HERC1: variants seen among roughly 807,000 people sequenced by gnomAD.
The protein encoded by HERC1 is probable E3 ubiquitin-protein ligase HERC1.
In HERC1, 160 loss-of-function variants were observed where a neutral mutation model predicts 554.3. The ratio of observed to expected loss-of-function variants is 0.29; its 90% CI spans 0.25 to 0.33. The LOEUF (loss-of-function observed/expected upper bound fraction) is 0.33, where lower values mean the gene tolerates loss of function less well. HERC1 is among the 10% of genes least tolerant of loss of function. HERC1 has a pLI of 1.00. For synonymous variants in HERC1, 2,175 were observed against 2,131.7 expected (o/e 1.02, Z -0.56); for missense variants, 4,919 against 5,918.5 (o/e 0.83, Z 5.54).
rs2153051824 is a variant in HERC1, at chr15:63,694,588, T to C, written c.5243-39A>G. ...AGACAGTTAAGAATCTTCCTTTCAG[T>C]AAACAAAGCATTTATTAAAATGAAT... On this transcript the variant is annotated intron_variant, in intron 28 of 77. Coordinates refer to ENST00000443617, the MANE Select transcript of HERC1 (RefSeq NM_003922.4). This position sits in a 1 kb window ranked among gnomAD's most constrained non-coding sequence, Gnocchi z 4.3. 1 of 1,540,382 alleles carries C rather than the reference T, an allele frequency of 6.5e-7. No homozygotes were observed. The highest frequency in any genetic ancestry group is 2.3e-5 in the East Asian group (1 of 44,436).
At chr15:63,801,607 AGC>A (rs1391701758) in intron 1 of HERC1, among the ~76,000 whole-genome samples, 9 of 152,338 alleles carry the variant, frequency 5.9e-5, no homozygotes, top group African/African-American at 2.2e-4. Context: ...GCATAGGTAA[AGC>A]ACATAGAGGG....
chr15:63,618,030 T>G (rs948305804), intron 74 of HERC1, among the ~76,000 whole-genome samples: 2 of 152,158 alleles, frequency 1.3e-5, no homozygotes, highest in African/African-American at 4.8e-5. Flanking sequence ...TTTGTCAATT[T>G]TGGCTTTTGT....
chr15:63,734,821 G>A lies in HERC1; in HGVS notation c.2549C>T (p.Ala850Val), dbSNP rs1400167665. The change falls in exon 13 of 78, where the codon GCA (alanine) becomes GTA (valine). Residue 850 changes from alanine to valine, a missense_variant. This residue lies in a region of HERC1 where 744 missense variants were observed against 1,090.0 expected (regional missense o/e 0.68). Coordinates refer to ENST00000443617, the MANE Select transcript of HERC1 (RefSeq NM_003922.4). The surrounding 1 kb of genome is among the most constrained non-coding windows in gnomAD (Gnocchi z 4.6). Reference sequence around the variant, plus strand: ...TCGTAATGGAGGTAACAGCATGGTTGCTCCCACTGATAAAGTTTCAATTAC... The same window carrying A: ...TCGTAATGGAGGTAACAGCATGGTTACTCCCACTGATAAAGTTTCAATTAC... ...EVVIETLSVG[A>V]TMLLPPLRER... The A allele has an allele frequency of 6.2e-7, 1 of 1,609,880 alleles. No homozygotes were observed. The highest frequency in any genetic ancestry group is 8.5e-7 in the Non-Finnish European group (1 of 1,177,408).
In HERC1 at chr15:63,713,454, T is replaced by C; in HGVS notation, c.4362A>G (p.Leu1454=). Residue 1454 remains leucine (L), a synonymous_variant, in exon 23 of 78, where the codon TTA becomes TTG. Transcript: ENST00000443617. ...GCTCATCTATCACAGGACTTACTCC[T>C]AATATTAACAGGGCACACCGATGGA... ...SVIHRCALLI[L]GVSPVIDELQ... is the part of the protein sequence containing the mutation. 6.2e-7 allele frequency: 1 copy of C among 1,614,048 alleles called. No individual in the cohort carries two copies. Among genetic ancestry groups the C allele is most frequent in the Non-Finnish European group, 8.5e-7 (1 of 1,179,890 alleles).
rs1269153432 is a variant in HERC1 at position 63,612,546 on chromosome 15, A to G, written c.14105T>C (p.Val4702Ala). The G allele has an allele frequency of 4.3e-6, 7 of 1,613,084 alleles. No individual in the cohort carries two copies. The highest frequency in any genetic ancestry group is 5.9e-6 in the Non-Finnish European group (7 of 1,179,202). The change falls in exon 77 of 78, where the codon GTC becomes GCC. Residue 4702 changes from valine to alanine, a missense_variant. Coordinates refer to ENST00000443617, the MANE Select transcript of HERC1 (RefSeq NM_003922.4). The surrounding 1 kb of genome is among the most constrained non-coding windows in gnomAD (Gnocchi z 5.0). ...AACAATCCAGGACATCCCTTCTCGG[A>G]CTGCAGCCACCTGCTCCCGGGAGAG... is the stretch of plus-strand genomic sequence containing the variant. Reference protein sequence around the residue: ...LHEMDRQVAAVREGMSWIVPV... With the variant: ...LHEMDRQVAAAREGMSWIVPV...
At position 63,655,925 on chromosome 15, in the gene HERC1, G is replaced by C; in HGVS notation, c.9901C>G (p.Leu3301Val). The change falls in exon 50 of 78, where the codon CTA becomes GTA. Residue 3301 changes from leucine to valine, a missense_variant. Leu to Val is a conservative substitution (Grantham distance 32). Coordinates refer to ENST00000443617, the MANE Select transcript of HERC1 (RefSeq NM_003922.4). ...NLISAATGVN[L>V]TTVDDSIQRK... ...TGAATTGAGTCATCAACTGTGGTTA[G>C]ATTTACACCTGTTGCAGCAGAAATC... 6.2e-7 allele frequency: 1 copy of C among 1,612,998 alleles called. No individual in the cohort carries two copies. Among genetic ancestry groups the C allele is most frequent in the South Asian group, 1.1e-5 (1 of 90,778 alleles).
rs189370299 is a variant in HERC1, at chr15:63,801,853, T to G, written c.-26-26204A>C. 4.6e-5 allele frequency among the ~76,000 whole-genome samples: 7 copies of G among 152,284 alleles called. No homozygotes were observed. In the East Asian group the frequency reaches 1.4e-3, roughly 29 times the overall value. On this transcript the variant is annotated intron_variant, in intron 1 of 77. Coordinates refer to ENST00000443617, the MANE Select transcript of HERC1 (RefSeq NM_003922.4). ...TTTGGATCCCAGCAACTCCCAAGGCTTTTACCTATCTCATATGCTAATGAA... is the reference window on the plus strand; with the variant it reads ...TTTGGATCCCAGCAACTCCCAAGGCGTTTACCTATCTCATATGCTAATGAA...
At chr15:63,671,373 T>TTA (rs567885188) in intron 39 of HERC1, among the ~76,000 whole-genome samples, 1 of 141,914 alleles carries the variant, frequency 7.0e-6, no homozygotes, top group Non-Finnish European at 1.5e-5. Flanking sequence ...AGCTGTCTCT[T>TTA]AAAAAAAAAA....
chr15:63,712,668 A>T (rs2073361417), intron 24 of HERC1, 107 bp downstream of exon 24: 1 of 996,362 alleles, frequency 1.0e-6, no homozygotes. Context: ...TTTTTGAAAA[A>T]ATTTTTATAT....
At chr15:63,664,690 A>C in intron 42 of HERC1, 96 bp from the exon 43 acceptor site, 31 of 1,009,886 alleles carry the variant, frequency 3.1e-5, no homozygotes, top group Non-Finnish European at 4.3e-5. Context: ...CTTTATTCTC[A>C]TTGAGAATAA....
At chr15:63,642,038 G>A (rs932167559) in intron 59 of HERC1, among the ~76,000 whole-genome samples, 4 of 152,096 alleles carry the variant, frequency 2.6e-5, no homozygotes, top group African/African-American at 9.7e-5. Context: ...TTCTACACAG[G>A]CCACTACTGC....
chr15:63,775,079 G>A lies in HERC1; in HGVS notation c.545C>T (p.Ser182Leu). The change falls in exon 2 of 78, where the codon TCA becomes TTA. Residue 182 changes from serine (S) to leucine (L), a missense_variant. Physicochemically the swap from Ser to Leu is moderately radical, Grantham distance 145. Transcript: ENST00000443617. The surrounding 1 kb of genome is among the most constrained non-coding windows in gnomAD (Gnocchi z 4.0). ...LLRQSWMMPVSGPGLSLCNDV... is the reference protein window; with the variant it reads ...LLRQSWMMPVLGPGLSLCNDV... ...GTTGCAAAGACTGAGACCAGGTCCT[G>A]ACACAGGCATCATCCAACTTTGTCT... is the stretch of plus-strand genomic sequence containing the variant. The A allele has an allele frequency of 6.2e-7, 1 of 1,613,990 alleles. No individual in the cohort carries two copies. Among genetic ancestry groups the A allele is most frequent in the South Asian group, 1.1e-5 (1 of 91,074 alleles).
intron 1 of HERC1, among the ~76,000 whole-genome samples, chr15:63,824,733 T>C (rs1380722466): frequency 6.6e-6 from 1 of 151,502 alleles, no homozygotes; most frequent in Non-Finnish European, 1.5e-5. Context: ...GAAATTGTGA[T>C]ACAAACACAC....
chr15:63,706,856 A>C (rs1037257326), intron 24 of HERC1, 25 bp from the exon 25 acceptor site: 4 of 1,452,540 alleles, frequency 2.8e-6, no homozygotes, highest in Non-Finnish European at 3.8e-6. Context: ...AAGTAAATAA[A>C]TAAAATTTAG....
Position 63,661,874 on chromosome 15 carries a change from A to G in HERC1, c.9049T>C (p.Tyr3017His), listed in dbSNP as rs200988839. 1 of 1,614,030 alleles carries G rather than the reference A, an allele frequency of 6.2e-7. No individual in the cohort carries two copies. Among genetic ancestry groups the G allele is most frequent in the African/African-American group, 1.3e-5 (1 of 75,052 alleles). Residue 3017 changes from tyrosine to histidine, a missense_variant, in exon 45 of 78, where the codon TAT becomes CAT. Physicochemically the swap from Tyr to His is moderately conservative, Grantham distance 83 (BLOSUM62 2). Transcript: ENST00000443617. ...TCACCGCCAAACCAGCCATCCACAT[A>G]GGAACCATTGCTGCGATAGCCCTGG... ...NRQGYRSNGS[Y>H]VDGWFGGECG...
At chr15:63,720,037 G>C (rs1050085966) in intron 19 of HERC1, among the ~76,000 whole-genome samples, 9 of 148,442 alleles carry the variant, frequency 6.1e-5, no homozygotes, top group African/African-American at 2.2e-4. Flanking sequence ...CAGAAATGAA[G>C]ACATGTAGTT....
chr15:63,612,448 C>A lies in HERC1; in HGVS notation c.14203G>T (p.Val4735Leu). 3 of 1,614,072 alleles carry A rather than the reference C, an allele frequency of 1.9e-6. No homozygotes were observed. The South Asian group carries it at 3.3e-5, about 18-fold the overall frequency. Residue 4735 changes from valine to leucine, a missense_variant, in exon 77 of 78, where the codon GTG (valine) becomes TTG (leucine). By Grantham distance (32) the Val-to-Leu change is conservative. This residue lies in a region of HERC1 where 284 missense variants were observed against 294.1 expected (regional missense o/e 0.97). Coordinates refer to ENST00000443617, the MANE Select transcript of HERC1 (RefSeq NM_003922.4). This position sits in a 1 kb window ranked among gnomAD's most constrained non-coding sequence, Gnocchi z 5.0. ...QMVCGMPEIS[V>L]EVLKKVVRYR... ...CGCACCACTTTCTTCAAGACTTCCA[C>A]AGAGATCTCGGGCATCCCACACACC...
chr15:63,675,079 T>C lies in HERC1; in HGVS notation c.7109A>G (p.Tyr2370Cys). Residue 2370 changes from tyrosine to cysteine, a missense_variant, in exon 38 of 78, where the codon TAT becomes TGT. By Grantham distance (194) the Tyr-to-Cys change is radical (BLOSUM62 -2). Coordinates refer to ENST00000443617, the MANE Select transcript of HERC1 (RefSeq NM_003922.4). The part of the protein sequence containing the change: ...TFWSPSDTPL[Y>C]NLEPCEPLPF... Reference sequence around the variant, plus strand: ...CAATGGTTCACAGGGTTCCAGATTATACAATGGAGTATCACTAGGCGACCA... The same window carrying C: ...CAATGGTTCACAGGGTTCCAGATTACACAATGGAGTATCACTAGGCGACCA... 3 of 1,609,480 alleles carry C rather than the reference T, an allele frequency of 1.9e-6. No homozygotes were observed. The highest frequency in any genetic ancestry group is 2.5e-6 in the Non-Finnish European group (3 of 1,176,790).
rs1244773978 is a variant in HERC1 at position 63,692,457 on chromosome 15, C to T, written c.5784G>A (p.Lys1928=). ...CTATATTTAGAAGCACTTCGGTCCA[C>T]TTTGGGGAAGCCATTTTTGATTGAA... ...KAIQSKMASP[K]WTEVLLNIAS... Residue 1928 remains lysine, a synonymous_variant, in exon 31 of 78, where the codon AAG becomes AAA. Coordinates refer to ENST00000443617, the MANE Select transcript of HERC1 (RefSeq NM_003922.4). This position sits in a 1 kb window ranked among gnomAD's most constrained non-coding sequence, Gnocchi z 4.7. The T allele has an allele frequency of 2.5e-6, 4 of 1,613,174 alleles. No individual in the cohort carries two copies. Among genetic ancestry groups the T allele is most frequent in the Non-Finnish European group, 8.5e-7 (1 of 1,179,684 alleles).
Sources: allele counts gnomAD v4.1 joint callset (sites outside exome capture counted in the v4.1 genomes callset), GRCh38; gene constraint gnomAD v4.1.1; regional missense constraint gnomAD v4.1.1; non-coding constraint Gnocchi (gnomAD v3.1); transcripts MANE v1.5; gene names NCBI Gene and HGNC (gene_info 2026-07-23, HGNC 2026-07-21).